The following MCM9 variants were observed in gnomAD, a reference collection of about 807,000 sequenced individuals.
MCM9 encodes minichromosome maintenance 9 homologous recombination repair factor.
MCM9 carries 55 observed loss-of-function variants against 72.8 expected under a neutral mutation model. The observed-to-expected ratio is 0.76, with a 90% CI of 0.61 to 0.95. The LOEUF (loss-of-function observed/expected upper bound fraction) is 0.95. Among genes scored for constraint, MCM9 ranks in the 40% least tolerant of loss-of-function variants. MCM9 has a pLI of 0.00. For missense variants in MCM9, 1,279 were observed against 1,377.0 expected (o/e 0.93, Z 1.13); for synonymous variants, 480 against 503.4 (o/e 0.95, Z 0.62).
intron 8 of MCM9, among the ~76,000 whole-genome samples, chr6:118,869,926 A>G (rs1435132717): frequency 6.6e-6 from 1 of 152,214 alleles, no homozygotes; most frequent in African/African-American, 2.4e-5. Flanking sequence ...ATATAGTAAG[A>G]ACGGTATCCA....
At position 118,826,236 on chromosome 6, in the gene MCM9, A is replaced by C. The variant is rs1423130428; in HGVS notation, c.1872T>G (p.Pro624=). The change falls in exon 13 of 14, where the codon CCT becomes CCG. Residue 624 remains proline, a synonymous_variant. Coordinates refer to ENST00000619706, the MANE Select transcript of MCM9 (RefSeq NM_017696.3). Reference sequence around the variant, plus strand: ...CACACTGTCTCTGGTACTGCTCTCCAGGGTTTTCAGGAAAGGAAGTGTGGA... The same window carrying C: ...CACACTGTCTCTGGTACTGCTCTCCCGGGTTTTCAGGAAAGGAAGTGTGGA... ...NALHTSFPEN[P]GEQYQRQCEL... The C allele has an allele frequency of 3.2e-6, 5 of 1,550,346 alleles. No individual in the cohort carries two copies. The highest frequency in any genetic ancestry group is 4.4e-6 in the Non-Finnish European group (5 of 1,146,944).
chr6:118,880,490 T>C (rs1033273014), intron 8 of MCM9, among the ~76,000 whole-genome samples: 1 of 152,176 alleles, frequency 6.6e-6, no homozygotes, highest in Non-Finnish European at 1.5e-5. Context: ...CTCTTAGCAA[T>C]ACAGAAAGGA....
At chr6:118,906,101 C>T (rs749092759) in intron 8 of MCM9, among the ~76,000 whole-genome samples, 3 of 152,086 alleles carry the variant, frequency 2.0e-5, no homozygotes, top group Non-Finnish European at 2.9e-5. Flanking sequence ...GAGATGGTTT[C>T]CTGCTCTGTT....
rs531150850 is a variant in MCM9, at chr6:118,935,089, G to C, written c.-348C>G. 1 of 152,104 alleles carries C rather than the reference G, an allele frequency of 6.6e-6. No homozygotes were observed. Among genetic ancestry groups the C allele is most frequent in the East Asian group, 1.9e-4 (1 of 5,180 alleles). 9.4% of individuals were successfully genotyped at this position (152,104 alleles called of 1,614,324 possible). A position where few individuals can be genotyped will look rare whatever the true frequency, so the allele number is the denominator to read the frequency against. On this transcript the variant is annotated 5_prime_UTR_variant, in exon 1 of 14. Transcript: ENST00000619706. ...GCGGCCTAGCGCCTGCGGCTCTGCC[G>C]GGCCTGCGCTCTCGACCGACGCCGG...
At chr6:118,922,183 G>T in intron 4 of MCM9, 97 bp from the exon 5 acceptor site, 1 of 849,266 alleles carries the variant, frequency 1.2e-6, no homozygotes, top group Non-Finnish European at 1.8e-6. Flanking sequence ...TTATTTCTCT[G>T]GTATATCATA....
intron 8 of MCM9, among the ~76,000 whole-genome samples, chr6:118,883,873 A>G (rs1476773075): frequency 6.6e-6 from 1 of 152,222 alleles, no homozygotes; most frequent in African/African-American, 2.4e-5. Context: ...TCTCTGGGTG[A>G]TAACTCAAAT....
chr6:118,827,091 A>T (rs964490452), intron 11 of MCM9, among the ~76,000 whole-genome samples: 1 of 152,228 alleles, frequency 6.6e-6, no homozygotes, highest in Non-Finnish European at 1.5e-5. Flanking sequence ...TATATGAAAA[A>T]GTACTCTGGG....
At chr6:118,871,335 G>A (rs749351808) in intron 8 of MCM9, among the ~76,000 whole-genome samples, 13 of 152,176 alleles carry the variant, frequency 8.5e-5, no homozygotes, top group African/African-American at 1.2e-4. Context: ...ATGCTAATCA[G>A]TAAATATGAT....
intron 8 of MCM9, among the ~76,000 whole-genome samples, chr6:118,900,313 T>C (rs1211338364): frequency 2.0e-5 from 3 of 152,210 alleles, no homozygotes; most frequent in East Asian, 1.9e-4. Flanking sequence ...CAGCGTAGTA[T>C]AGGGCTGCCC....
At chr6:118,886,308 T>C (rs1463583106) in intron 8 of MCM9, among the ~76,000 whole-genome samples, 1 of 151,688 alleles carries the variant, frequency 6.6e-6, no homozygotes, top group African/African-American at 2.4e-5. Flanking sequence ...CTATTCAACA[T>C]TGTACTGCAG....
chr6:118,866,518 A>G (rs1777226483), intron 8 of MCM9, among the ~76,000 whole-genome samples: 2 of 152,230 alleles, frequency 1.3e-5, no homozygotes, highest in African/African-American at 2.4e-5. Flanking sequence ...TGAAAATCAT[A>G]TATCTGAAGA....
intron 13 of MCM9, among the ~76,000 whole-genome samples, chr6:118,818,503 C>G (rs545317987): frequency 6.6e-6 from 1 of 152,248 alleles, no homozygotes; most frequent in East Asian, 1.9e-4. Flanking sequence ...TGTTTTGGTA[C>G]CAGCACCATG....
intron 8 of MCM9, among the ~76,000 whole-genome samples, chr6:118,897,155 GA>G (rs1779478764): frequency 6.6e-6 from 1 of 152,052 alleles, no homozygotes; most frequent in African/African-American, 2.4e-5. Flanking sequence ...AGAATATTTT[GA>G]AAAGAATTTT....
rs1015554736 is a variant in MCM9, at chr6:118,935,143, C to T, written c.-402G>A. The T allele has an allele frequency of 6.6e-6, 1 of 152,234 alleles. No individual in the cohort carries two copies. The highest frequency in any genetic ancestry group is 2.4e-5 in the African/African-American group (1 of 41,442). 9.4% of individuals were successfully genotyped at this position (152,234 alleles called of 1,614,324 possible). ...GCGCACCGCCTCAACTTCCCTGCCC[C>T]GGCGGCTCTTCCGGATGGAGACGAG... On this transcript the variant is annotated 5_prime_UTR_variant, in exon 1 of 14. Coordinates refer to ENST00000619706, the MANE Select transcript of MCM9 (RefSeq NM_017696.3).
At chr6:118,895,594 T>C (rs575579364) in intron 8 of MCM9, among the ~76,000 whole-genome samples, 25 of 152,282 alleles carry the variant, frequency 1.6e-4, no homozygotes, top group South Asian at 8.3e-4. Context: ...TCTTGGTATT[T>C]TTTCTACATA....
Position 118,829,043 on chromosome 6 carries a change from C to A in MCM9, c.1528+5G>T. The A allele has an allele frequency of 1.3e-6, 2 of 1,549,918 alleles. No individual in the cohort carries two copies. Among genetic ancestry groups the A allele is most frequent in the East Asian group, 2.4e-5 (1 of 40,912 alleles). On this transcript the variant is annotated splice_donor_5th_base_variant and intron_variant, in intron 10 of 13. Coordinates refer to ENST00000619706, the MANE Select transcript of MCM9 (RefSeq NM_017696.3). ...ATTTTGAATGCTTTGTTTGTCTTCA[C>A]GTACCTTTATTTTCTAAGATAAAGG...
intron 8 of MCM9, among the ~76,000 whole-genome samples, chr6:118,886,767 G>A (rs181856721): frequency 1.1e-4 from 17 of 152,110 alleles, no homozygotes; most frequent in Non-Finnish European, 2.2e-4. Flanking sequence ...CAGCTTGGGC[G>A]ACACAGTGAG....
intron 8 of MCM9, among the ~76,000 whole-genome samples, chr6:118,875,206 G>A (rs988207160): frequency 6.6e-6 from 1 of 152,182 alleles, no homozygotes; most frequent in Non-Finnish European, 1.5e-5. Flanking sequence ...AGATTTACAA[G>A]AGGAAAAGTC....
Position 118,905,335 on chromosome 6 carries a change from C to T in MCM9, c.1150+6315G>A, listed in dbSNP as rs9401096. The stretch of plus-strand genomic sequence containing the variant: ...TGAAAAGGTTAAAATCAATTGCTGA[C>T]TATAAAGGTTTTATAATGAATAGTG... On this transcript the variant is annotated intron_variant, in intron 8 of 13. Transcript: ENST00000619706. Among the ~76,000 whole-genome samples the T allele has an allele frequency of 4.3e-3, 619 of 144,640 alleles. 11 individuals carry two copies. In the East Asian group the frequency reaches 0.045, roughly 11 times the overall value. 94.9% of individuals were successfully genotyped at this position (144,640 alleles called of 152,430 possible). A position where few individuals can be genotyped will look rare whatever the true frequency, so the allele number is the denominator to read the frequency against.
Sources: allele counts gnomAD v4.1 joint callset (sites outside exome capture counted in the v4.1 genomes callset), GRCh38; gene constraint gnomAD v4.1.1; transcripts MANE v1.5; gene names NCBI Gene and HGNC (gene_info 2026-07-23, HGNC 2026-07-21).